SULT2B1: variants seen among roughly 807,000 people sequenced by gnomAD.
SULT2B1 encodes sulfotransferase family 2B member 1, also known as sulfotransferase 2B1.
In SULT2B1, 16 loss-of-function variants were observed where a neutral mutation model predicts 33.2. The observed-to-expected ratio is 0.48, with a 90% CI of 0.33 to 0.73. The LOEUF is 0.73. Ranked by LOEUF, SULT2B1 falls within the 30% of genes least tolerant of loss-of-function variation. SULT2B1 has a pLI of 0.02. For missense variants in SULT2B1, 500 were observed against 506.0 expected, an observed-to-expected ratio of 0.99 and a Z score of 0.11; for synonymous variants, 186 against 200.5, an observed-to-expected ratio of 0.93 and a Z score of 0.61.
intron 1 of SULT2B1, among the ~76,000 whole-genome samples, chr19:48,557,986 C>T (rs1488534466): frequency 2.0e-5 from 3 of 152,060 alleles, no homozygotes; most frequent in Non-Finnish European, 2.9e-5. Flanking sequence ...TTGGCACAGG[C>T]GGTAGGCAGG....
In SULT2B1 at chr19:48,599,003, G is replaced by A; in HGVS notation, c.827-132G>A. 6.9e-7 allele frequency: 1 copy of A among 1,444,890 alleles called. No individual in the cohort carries two copies. The highest frequency in any genetic ancestry group is 9.1e-7 in the Non-Finnish European group (1 of 1,093,710). The allele number at this position is 1,444,890 out of a possible 1,614,324, so 89.5% of individuals were successfully genotyped here. A position where few individuals can be genotyped will look rare whatever the true frequency, so the allele number is the denominator to read the frequency against. ...CAAAGGGGGCAATGTGGAGGGTAGG[G>A]AGGACGGTGTTTCTGGCAAAGGGAA... On this transcript the variant is annotated intron_variant, in intron 6 of 6. Coordinates refer to ENST00000201586, the MANE Select transcript of SULT2B1 (RefSeq NM_177973.2). This position sits in a 1 kb window ranked among gnomAD's most constrained non-coding sequence, Gnocchi z 4.1.
intron 1 of SULT2B1, among the ~76,000 whole-genome samples, chr19:48,561,992 G>A (rs1466973243): frequency 3.3e-5 from 5 of 152,044 alleles, no homozygotes; most frequent in African/African-American, 4.8e-5. Flanking sequence ...GCTCACGCCT[G>A]CAATCCCAGA....
chr19:48,598,879 A>C (rs1973759108), intron 6 of SULT2B1, among the ~76,000 whole-genome samples: 1 of 152,014 alleles, frequency 6.6e-6, no homozygotes, highest in African/African-American at 2.4e-5. Context: ...GTCCGGGATA[A>C]AGGGGAGGAC....
intron 1 of SULT2B1, among the ~76,000 whole-genome samples, chr19:48,569,357 A>C (rs12981320): frequency 9.5e-5 from 1 of 10,478 alleles, no homozygotes; most frequent in African/African-American, 9.6e-4. Context: ...AAAAAAAAAA[A>C]AAAAACATAT....
At chr19:48,593,760 A>G (rs57435923) in intron 5 of SULT2B1, among the ~76,000 whole-genome samples, 6 of 149,148 alleles carry the variant, frequency 4.0e-5, no homozygotes, top group East Asian at 2.2e-4. Context: ...TCAGCCTCCC[A>G]AGCAGCTGGG....
intron 2 of SULT2B1, among the ~76,000 whole-genome samples, chr19:48,581,039 T>TTC: frequency 7.3e-6 from 1 of 136,536 alleles, no homozygotes; most frequent in East Asian, 2.1e-4. Flanking sequence ...CTTTTTTTTT[T>TTC]TTTTTTTTTT....
At chr19:48,574,498 C>T (rs2147610277) in intron 1 of SULT2B1, among the ~76,000 whole-genome samples, 1 of 152,336 alleles carries the variant, frequency 6.6e-6, no homozygotes, top group East Asian at 1.9e-4. Context: ...CTGGGTTTTC[C>T]TCTCCTGTAA....
At position 48,579,605 on chromosome 19, in the gene SULT2B1, C is replaced by CTTTCTTTCTT. The variant is rs71179013; in HGVS notation, c.214+3525_214+3526insCTTTCTTTTT. Among the ~76,000 whole-genome samples, 476 of 79,758 alleles carry CTTTCTTTCTT rather than the reference C, an allele frequency of 6.0e-3. 8 individuals carry two copies. The highest frequency in any genetic ancestry group is 0.02 in the African/African-American group (394 of 19,988). 52.3% of individuals were successfully genotyped at this position (79,758 alleles called of 152,430 possible). On this transcript the variant is annotated intron_variant, in intron 2 of 6. Transcript: ENST00000201586. Reference sequence around the variant, plus strand: ...CCTTTTTCTTTTCTTTTCTTTCTTTCTTTTTTTTTTTTTTTTTTGAGACGA... The same window carrying CTTTCTTTCTT: ...CCTTTTTCTTTTCTTTTCTTTCTTTCTTTCTTTCTTTTTTTTTTTTTTTTTTTTGAGACGA...
At chr19:48,557,531 C>T (rs752739517) in intron 1 of SULT2B1, among the ~76,000 whole-genome samples, 1 of 150,296 alleles carries the variant, frequency 6.7e-6, no homozygotes, top group Non-Finnish European at 1.5e-5. Flanking sequence ...AAGATTGAAA[C>T]TCCATCTCAA....
At chr19:48,572,740 G>T (rs1973346987) in intron 1 of SULT2B1, among the ~76,000 whole-genome samples, 1 of 152,112 alleles carries the variant, frequency 6.6e-6, no homozygotes, top group Non-Finnish European at 1.5e-5. Flanking sequence ...AGGAGGCTGA[G>T]TCGAGGGCCC....
At chr19:48,576,166 G>A in intron 2 of SULT2B1, 83 bp downstream of exon 2, 2 of 1,271,690 alleles carry the variant, frequency 1.6e-6, no homozygotes. Context: ...CATAGAGAAG[G>A]AGGGGAGGAG....
At chr19:48,566,812 G>A (rs1024060353) in intron 1 of SULT2B1, among the ~76,000 whole-genome samples, 10 of 151,542 alleles carry the variant, frequency 6.6e-5, no homozygotes, top group Non-Finnish European at 1.0e-4. Context: ...ACTGCACTCC[G>A]GCTTTGGTGA....
rs538186123 is a variant in SULT2B1 at position 48,556,504 on chromosome 19, G to A, written c.71+4181G>A. Among the ~76,000 whole-genome samples the A allele has an allele frequency of 6.6e-5, 10 of 152,154 alleles. No individual in the cohort carries two copies. In the South Asian group the frequency reaches 1.7e-3, roughly 25 times the overall value. Reference sequence around the variant, plus strand: ...ACAGGTGGCTTCAGGAGAGTAAGGGGCAGCTGGGTCAGGAGAGGGCCAGCT... The same window carrying A: ...ACAGGTGGCTTCAGGAGAGTAAGGGACAGCTGGGTCAGGAGAGGGCCAGCT... On this transcript the variant is annotated intron_variant, in intron 1 of 6. Transcript: ENST00000201586.
intron 1 of SULT2B1, among the ~76,000 whole-genome samples, chr19:48,573,670 C>A (rs1251460917): frequency 4.6e-5 from 7 of 151,958 alleles, no homozygotes; most frequent in Non-Finnish European, 5.9e-5. Flanking sequence ...CTGTGGCGTT[C>A]ATGGGGAAGG....
At chr19:48,567,932 A>G (rs1011286845) in intron 1 of SULT2B1, among the ~76,000 whole-genome samples, 1 of 151,824 alleles carries the variant, frequency 6.6e-6, no homozygotes, top group African/African-American at 2.4e-5. Context: ...CTGTGACCGC[A>G]TCACTGCACT....
intron 1 of SULT2B1, among the ~76,000 whole-genome samples, chr19:48,570,508 A>G (rs890700108): frequency 6.6e-6 from 1 of 151,770 alleles, no homozygotes; most frequent in Non-Finnish European, 1.5e-5. Context: ...GTAGTATCGC[A>G]TGGCACAGAA....
rs1014894954 is a variant in SULT2B1, at chr19:48,552,381, G to A, written c.71+58G>A. The A allele has an allele frequency of 1.3e-6, 2 of 1,582,086 alleles. No homozygotes were observed. Among genetic ancestry groups the A allele is most frequent in the East Asian group, 2.3e-5 (1 of 43,950 alleles). ...TCCCAGGGAGGAGGTGGCTGTTTGG[G>A]GGAGCCGGGGACTGTGGCAAGGGTG... On this transcript the variant is annotated intron_variant, in intron 1 of 6. Coordinates refer to ENST00000201586, the MANE Select transcript of SULT2B1 (RefSeq NM_177973.2). The surrounding 1 kb of genome is among the most constrained non-coding windows in gnomAD (Gnocchi z 4.8).
chr19:48,554,474 C>T (rs1010436580), intron 1 of SULT2B1, among the ~76,000 whole-genome samples: 4 of 139,820 alleles, frequency 2.9e-5, no homozygotes, highest in Non-Finnish European at 6.2e-5. Context: ...CTGGTTCTTC[C>T]TCTCGGTTGC....
At chr19:48,575,742 A>C in intron 1 of SULT2B1, 199 bp from the exon 2 acceptor site, 2 of 915,224 alleles carry the variant, frequency 2.2e-6, no homozygotes, top group South Asian at 2.4e-5. Flanking sequence ...CTGTCTCCCA[A>C]AGTGCTGGGA....
Sources: allele counts gnomAD v4.1 joint callset (sites outside exome capture counted in the v4.1 genomes callset), GRCh38; gene constraint gnomAD v4.1.1; non-coding constraint Gnocchi (gnomAD v3.1); transcripts MANE v1.5; gene names NCBI Gene and HGNC (gene_info 2026-07-23, HGNC 2026-07-21).